The following VPS9D1 variants were observed in gnomAD, a reference collection of about 807,000 sequenced individuals.
VPS9D1 encodes VPS9 domain containing 1, also known as VPS9 domain-containing protein 1.
VPS9D1 carries 78 observed loss-of-function variants against 75.8 expected under a neutral mutation model. The ratio of observed to expected loss-of-function variants is 1.03; its 90% CI spans 0.86 to 1.24. The LOEUF (loss-of-function observed/expected upper bound fraction) is 1.24. Among genes scored for constraint, VPS9D1 ranks in the 50% most tolerant of loss-of-function variants. The pLI is 0.00. For missense variants in VPS9D1, 1,057 were observed against 847.7 expected (o/e 1.25, Z -3.07); for synonymous variants, 481 against 385.6 (o/e 1.25, Z -2.90).
Position 89,709,300 on chromosome 16 carries a change from G to A in VPS9D1, c.1524C>T (p.Pro508=). The change falls in exon 12 of 15, where the codon CCC becomes CCT. Residue 508 remains proline, a synonymous_variant. Coordinates refer to ENST00000389386, the MANE Select transcript of VPS9D1 (RefSeq NM_004913.3). ...CGAGCTCCTGGGCCGCCGCGCAGTA[G>A]GGGTAGCCAGTGGCCCCCTTGGCCT... ...NPEAKGATGY[P]YCAAAQELGL... is the part of the protein sequence containing the mutation. 1 of 1,608,232 alleles carries A rather than the reference G, an allele frequency of 6.2e-7. No individual in the cohort carries two copies. Among genetic ancestry groups the A allele is most frequent in the Non-Finnish European group, 8.5e-7 (1 of 1,178,758 alleles).
Position 89,707,804 on chromosome 16 carries a change from AGAGACAGC to A in VPS9D1, c.*49_*56del. Reference sequence around the variant, plus strand: ...TAGATCCCATGGCTCCAGGTGTAGGAGAGACAGCCCTGGGAGGCGAGGCCAGGCCCTGC... The same window carrying A: ...TAGATCCCATGGCTCCAGGTGTAGGACCTGGGAGGCGAGGCCAGGCCCTGC... On this transcript the variant is annotated 3_prime_UTR_variant, in exon 15 of 15. Transcript: ENST00000389386. 1 of 1,514,918 alleles carries A rather than the reference AGAGACAGC, an allele frequency of 6.6e-7. No individual in the cohort carries two copies. Among genetic ancestry groups the A allele is most frequent in the Non-Finnish European group, 9.1e-7 (1 of 1,093,224 alleles). The allele number at this position is 1,514,918 out of a possible 1,614,324, so 93.8% of individuals were successfully genotyped here. A position where few individuals can be genotyped will look rare whatever the true frequency, so the allele number is the denominator to read the frequency against.
intron 1 of VPS9D1, chr16:89,720,484 T>A: frequency 9.0e-7 from 1 of 1,112,668 alleles, no homozygotes. Flanking sequence ...TGGCGGACCC[T>A]CCTGCTACAT....
In VPS9D1 at chr16:89,707,786, C is replaced by T; in HGVS notation, c.*75G>A. 1 of 1,397,010 alleles carries T rather than the reference C, an allele frequency of 7.2e-7. No individual in the cohort carries two copies. Among genetic ancestry groups the T allele is most frequent in the South Asian group, 1.2e-5 (1 of 84,744 alleles). The allele number at this position is 1,397,010 out of a possible 1,614,324, so 86.5% of individuals were successfully genotyped here. A position where few individuals can be genotyped will look rare whatever the true frequency, so the allele number is the denominator to read the frequency against. On this transcript the variant is annotated 3_prime_UTR_variant, in exon 15 of 15. Transcript: ENST00000389386. ...CTCCAGGATGGTCCTCAGTAGATCC[C>T]ATGGCTCCAGGTGTAGGAGAGACAG... is the stretch of plus-strand genomic sequence containing the variant.
chr16:89,709,568 G>C (rs1250840373), intron 11 of VPS9D1, 133 bp from the exon 12 acceptor site: 23 of 1,277,094 alleles, frequency 1.8e-5, no homozygotes, highest in Non-Finnish European at 2.3e-5. Context: ...GCGTTGCCAA[G>C]ACCCCAGGCA....
At position 89,707,853 on chromosome 16, in the gene VPS9D1, T is replaced by C. The variant is rs968085619; in HGVS notation, c.*8A>G. 6 of 1,612,860 alleles carry C rather than the reference T, an allele frequency of 3.7e-6. No individual in the cohort carries two copies. The highest frequency in any genetic ancestry group is 3.3e-5 in the Admixed American group (2 of 60,012). On this transcript the variant is annotated 3_prime_UTR_variant, in exon 15 of 15. Coordinates refer to ENST00000389386, the MANE Select transcript of VPS9D1 (RefSeq NM_004913.3). ...CAGGCCCTGCAGGGACCCTGGGCTC[T>C]AGCTGTACTACTTGGCCAGGCCTCC...
rs375994010 is a variant in VPS9D1 at position 89,712,708 on chromosome 16, G to C, written c.440C>G (p.Thr147Arg). Reference sequence around the variant, plus strand: ...CTGCAGGGAGGCCTCCTCCAGTGGCGTCAGCTCTCTGGAAATGTGACAAGC... The same window carrying C: ...CTGCAGGGAGGCCTCCTCCAGTGGCCTCAGCTCTCTGGAAATGTGACAAGC... ...AESQSCKKEL[T>R]PLEEASLQNQ... The change falls in exon 5 of 15, where the codon ACG becomes AGG. Residue 147 changes from threonine to arginine, a missense_variant. Transcript: ENST00000389386. 8.1e-6 allele frequency: 13 copies of C among 1,600,788 alleles called. No individual in the cohort carries two copies. Among genetic ancestry groups the C allele is most frequent in the Non-Finnish European group, 1.0e-5 (12 of 1,173,158 alleles).
intron 12 of VPS9D1, 24 bp from the exon 13 acceptor site, chr16:89,708,980 G>A (rs774562208): frequency 2.5e-6 from 4 of 1,572,920 alleles, no homozygotes; most frequent in Non-Finnish European, 3.4e-6. Flanking sequence ...AGGGTTTCAG[G>A]GGCAGTTAAC....
chr16:89,714,804 G>C (rs2061023188), intron 4 of VPS9D1, among the ~76,000 whole-genome samples: 1 of 151,614 alleles, frequency 6.6e-6, no homozygotes, highest in South Asian at 2.1e-4. Context: ...GCACGATCTT[G>C]GCTCACTGCA....
chr16:89,708,636 C>A, intron 13 of VPS9D1, 105 bp from the exon 14 acceptor site: 1 of 1,286,630 alleles, frequency 7.8e-7, no homozygotes, highest in Non-Finnish European at 1.1e-6. Flanking sequence ...CATCTCTGTG[C>A]CCTTCTGCGC....
intron 13 of VPS9D1, 73 bp downstream of exon 13, chr16:89,708,784 A>T (rs2060847546): frequency 7.1e-7 from 1 of 1,412,648 alleles, no homozygotes; most frequent in Non-Finnish European, 9.5e-7. Flanking sequence ...GGGCAGGAAG[A>T]TAGTCCCTCC....
At chr16:89,712,273 G>A in intron 6 of VPS9D1, 174 bp from the exon 7 acceptor site, 1 of 1,319,482 alleles carries the variant, frequency 7.6e-7, no homozygotes, top group South Asian at 1.3e-5. Context: ...GGAGGGCCGG[G>A]CCAGAGAACA....
intron 11 of VPS9D1, 23 bp downstream of exon 11, chr16:89,709,751 AGGT>A (rs2060872670): frequency 6.2e-7 from 1 of 1,613,042 alleles, no homozygotes; most frequent in Non-Finnish European, 8.5e-7. Flanking sequence ...TAGGCCACGC[AGGT>A]GGTTGTACAG....
intron 2 of VPS9D1, among the ~76,000 whole-genome samples, chr16:89,718,724 T>C (rs141769068): frequency 0.026 from 3,876 of 151,808 alleles, 165 homozygotes; most frequent in African/African-American, 0.089. Flanking sequence ...CTTTTCTTTT[T>C]TTTTTTTTTG....
chr16:89,708,864 C>T lies in VPS9D1; in HGVS notation c.1690G>A (p.Ala564Thr). ...CGCCCTCCTGGGACTCACATGGCAG[C>T]TGCAGCGATGGGCGGGGGCCCGGCC... ...PQAGPPPIAAAAIGADDLLPI... is the reference protein window; with the variant it reads ...PQAGPPPIAATAIGADDLLPI... The change falls in exon 13 of 15, where the codon GCT becomes ACT. Residue 564 changes from alanine (A) to threonine (T), a missense_variant. Ala to Thr is a moderately conservative substitution (Grantham distance 58, BLOSUM62 0). Coordinates refer to ENST00000389386, the MANE Select transcript of VPS9D1 (RefSeq NM_004913.3). The T allele has an allele frequency of 6.3e-7, 1 of 1,581,290 alleles. No individual in the cohort carries two copies. The highest frequency in any genetic ancestry group is 8.5e-7 in the Non-Finnish European group (1 of 1,170,848).
chr16:89,708,804 T>C (rs1295648891), intron 13 of VPS9D1, 53 bp downstream of exon 13: 12 of 1,494,214 alleles, frequency 8.0e-6, no homozygotes, highest in Non-Finnish European at 1.1e-5. Flanking sequence ...CCGTGACCAT[T>C]GCCTTTCTAG....
Position 89,712,574 on chromosome 16 carries a change from C to T in VPS9D1, c.543+31G>A, listed in dbSNP as rs1162280984. ...GACTCCCCTCTGCCCCGCGCCCACG[C>T]ACCCCCAGGCCCTCCCTAGCCCCCA... On this transcript the variant is annotated intron_variant, in intron 5 of 14. Transcript: ENST00000389386. The T allele has an allele frequency of 3.1e-6, 5 of 1,608,906 alleles. No individual in the cohort carries two copies. In the African/African-American group the frequency reaches 6.7e-5, roughly 22 times the overall value.
In VPS9D1 at chr16:89,709,289, G is replaced by A. The variant is rs769008409; in HGVS notation, c.1535C>T (p.Ala512Val). Reference sequence around the variant, plus strand: ...GACCAGCAGTCCGAGCTCCTGGGCCGCCGCGCAGTAGGGGTAGCCAGTGGC... The same window carrying A: ...GACCAGCAGTCCGAGCTCCTGGGCCACCGCGCAGTAGGGGTAGCCAGTGGC... ...KGATGYPYCAAAQELGLLVLE... is the reference protein window; with the variant it reads ...KGATGYPYCAVAQELGLLVLE... Residue 512 changes from alanine (A) to valine (V), a missense_variant, in exon 12 of 15, where the codon GCG becomes GTG. Physicochemically the swap from Ala to Val is moderately conservative, Grantham distance 64. Coordinates refer to ENST00000389386, the MANE Select transcript of VPS9D1 (RefSeq NM_004913.3). The A allele has an allele frequency of 2.0e-5, 32 of 1,609,734 alleles. No homozygotes were observed. Among genetic ancestry groups the A allele is most frequent in the Non-Finnish European group, 2.3e-5 (27 of 1,179,312 alleles).
rs2060823516 is a variant in VPS9D1 at position 89,707,649 on chromosome 16, G to C, written c.*212C>G. 3.6e-6 allele frequency: 2 copies of C among 554,908 alleles called. No individual in the cohort carries two copies. Among genetic ancestry groups the C allele is most frequent in the Non-Finnish European group, 3.2e-6 (1 of 309,320 alleles). 34.4% of individuals were successfully genotyped at this position (554,908 alleles called of 1,614,324 possible). A position where few individuals can be genotyped will look rare whatever the true frequency, so the allele number is the denominator to read the frequency against. Reference sequence around the variant, plus strand: ...GAGCTGATTCAGCCCCATTCTGTCGGGGCAGAGGTGCCAACCCCAAGCTCC... The same window carrying C: ...GAGCTGATTCAGCCCCATTCTGTCGCGGCAGAGGTGCCAACCCCAAGCTCC... On this transcript the variant is annotated 3_prime_UTR_variant, in exon 15 of 15. Coordinates refer to ENST00000389386, the MANE Select transcript of VPS9D1 (RefSeq NM_004913.3).
At chr16:89,719,757 C>T (rs1220654637) in intron 1 of VPS9D1, among the ~76,000 whole-genome samples, 1 of 152,150 alleles carries the variant, frequency 6.6e-6, no homozygotes, top group Admixed American at 6.5e-5. Flanking sequence ...CTCACTCTGT[C>T]GCCCAGGCTG....
Sources: gnomAD v4.1 joint callset for allele counts (sites outside exome capture counted in the v4.1 genomes callset) on GRCh38, gnomAD v4.1.1 for gene constraint, MANE v1.5 for transcripts, NCBI Gene and HGNC (gene_info 2026-07-23, HGNC 2026-07-21) for gene names.